Variants in ARHGAP22 observed in about 807,000 individuals in gnomAD.
ARHGAP22 encodes the protein Rho GTPase activating protein 22.
A neutral mutation model predicts 59.1 loss-of-function variants in ARHGAP22; 48 were observed. That is an observed-to-expected ratio of 0.81 (90% CI 0.64 to 1.03). The LOEUF (loss-of-function observed/expected upper bound fraction) is 1.03, where lower values mean the gene tolerates loss of function less well. Ranked by LOEUF, ARHGAP22 falls within the 50% of genes least tolerant of loss-of-function variation. The pLI, the probability that ARHGAP22 is intolerant of heterozygous loss-of-function variation, is 0.00. For missense variants in ARHGAP22, 1,015 were observed against 958.7 expected (o/e 1.06, Z -0.78); for synonymous variants, 445 against 416.4 (o/e 1.07, Z -0.84).
chr10:48,517,713 CA>C (rs2053427151), intron 3 of ARHGAP22, among the ~76,000 whole-genome samples: 1 of 152,120 alleles, frequency 6.6e-6, no homozygotes, highest in Admixed American at 6.5e-5. Flanking sequence ...TGAAAGGCCA[CA>C]GGACTCCTCT....
At chr10:48,595,900 C>T (rs1252018859) in intron 1 of ARHGAP22, among the ~76,000 whole-genome samples, 2 of 152,196 alleles carry the variant, frequency 1.3e-5, no homozygotes, top group African/African-American at 4.8e-5. Flanking sequence ...ATGAGCCAGG[C>T]CCTCCTAATG....
At chr10:48,507,606 C>A (rs1480174745) in intron 3 of ARHGAP22, among the ~76,000 whole-genome samples, 1 of 152,124 alleles carries the variant, frequency 6.6e-6, no homozygotes, top group Non-Finnish European at 1.5e-5. Flanking sequence ...CTCCCTCCTG[C>A]CCCACACCTC....
At chr10:48,457,402 C>T (rs889025423) in intron 5 of ARHGAP22, among the ~76,000 whole-genome samples, 4 of 152,158 alleles carry the variant, frequency 2.6e-5, no homozygotes, top group Non-Finnish European at 5.9e-5. Flanking sequence ...CCACTAGGCC[C>T]GGGACTGGTG....
intron 3 of ARHGAP22, among the ~76,000 whole-genome samples, chr10:48,526,300 T>C (rs1564820464): frequency 1.3e-5 from 2 of 152,122 alleles, no homozygotes; most frequent in African/African-American, 4.8e-5. Flanking sequence ...AAAGGAGAGA[T>C]TAACAAGAGC....
intron 3 of ARHGAP22, among the ~76,000 whole-genome samples, chr10:48,553,720 A>T (rs1486034105): frequency 6.6e-6 from 1 of 152,124 alleles, no homozygotes; most frequent in Non-Finnish European, 1.5e-5. Context: ...GTCTTCTCCT[A>T]CCGCCCCCAA....
chr10:48,472,672 G>C (rs1417056650), intron 4 of ARHGAP22, among the ~76,000 whole-genome samples: 1 of 152,152 alleles, frequency 6.6e-6, no homozygotes, highest in Non-Finnish European at 1.5e-5. Context: ...GCTGCTTCTA[G>C]ACCACATCAG....
At chr10:48,502,448 T>C (rs140498454) in intron 3 of ARHGAP22, among the ~76,000 whole-genome samples, 14 of 152,316 alleles carry the variant, frequency 9.2e-5, no homozygotes, top group Non-Finnish European at 7.4e-5. Context: ...TACCCTGTTG[T>C]CTTCAGGACA....
chr10:48,606,130 G>A (rs2060662289), upstream of ARHGAP22, among the ~76,000 whole-genome samples: 1 of 152,130 alleles, frequency 6.6e-6, no homozygotes, highest in Non-Finnish European at 1.5e-5. Flanking sequence ...GGTAAAGAGG[G>A]ATTTGAACAA....
chr10:48,467,428 G>A lies in ARHGAP22; in HGVS notation c.452-7537C>T, dbSNP rs868782293. On this transcript the variant is annotated intron_variant, in intron 4 of 9. Coordinates refer to ENST00000249601, the MANE Select transcript of ARHGAP22 (RefSeq NM_021226.4). ...AATGCAACGCCAGTAGCAGGGATGGGAGTCCCAAGGGTAGGAGGGCAGAAT... is the reference window on the plus strand; with the variant it reads ...AATGCAACGCCAGTAGCAGGGATGGAAGTCCCAAGGGTAGGAGGGCAGAAT... 6.6e-5 allele frequency among the ~76,000 whole-genome samples: 10 copies of A among 152,206 alleles called. No homozygotes were observed. In the South Asian group the frequency reaches 2.1e-3, roughly 32 times the overall value.
At chr10:48,604,729 G>C (rs768229742) in intron 1 of ARHGAP22, 34 bp downstream of exon 1, 17 of 1,614,084 alleles carry the variant, frequency 1.1e-5, no homozygotes, top group Non-Finnish European at 1.2e-5. Context: ...AGGCACATGC[G>C]GTGCCCAGAG....
At chr10:48,593,864 G>T (rs774373718) in intron 1 of ARHGAP22, among the ~76,000 whole-genome samples, 29 of 152,202 alleles carry the variant, frequency 1.9e-4, no homozygotes, top group Non-Finnish European at 4.1e-4. Flanking sequence ...GCGGGTGCTC[G>T]TGTTTGTACA....
At chr10:48,535,077 G>A (rs1357237963) in intron 3 of ARHGAP22, among the ~76,000 whole-genome samples, 2 of 152,300 alleles carry the variant, frequency 1.3e-5, no homozygotes, top group East Asian at 1.9e-4. Context: ...TGCTGCTGTG[G>A]CTGCTGCTGA....
chr10:48,562,647 A>C (rs557276216), intron 2 of ARHGAP22, among the ~76,000 whole-genome samples: 1 of 152,236 alleles, frequency 6.6e-6, no homozygotes, highest in East Asian at 1.9e-4. Context: ...GAGTGGGAGG[A>C]GGGATTACAA....
intron 3 of ARHGAP22, among the ~76,000 whole-genome samples, chr10:48,541,037 T>G: frequency 6.6e-6 from 1 of 152,160 alleles, no homozygotes; most frequent in East Asian, 2.0e-4. Context: ...ACACAGATTC[T>G]GTTTGAGGTG....
intron 9 of ARHGAP22, among the ~76,000 whole-genome samples, chr10:48,449,898 T>C (rs1334644947): frequency 6.6e-6 from 1 of 152,202 alleles, no homozygotes; most frequent in Non-Finnish European, 1.5e-5. Context: ...TATGAGCCCT[T>C]GTACTGGGAC....
intron 9 of ARHGAP22, among the ~76,000 whole-genome samples, chr10:48,448,058 T>C (rs1266710244): frequency 6.6e-6 from 1 of 152,108 alleles, no homozygotes; most frequent in Non-Finnish European, 1.5e-5. Context: ...GGCACCCAGG[T>C]GCACCTGTCA....
intron 1 of ARHGAP22, among the ~76,000 whole-genome samples, chr10:48,639,530 G>A (rs1413781439): frequency 6.6e-6 from 1 of 152,164 alleles, no homozygotes; most frequent in African/African-American, 2.4e-5. Flanking sequence ...CTCATGGTTT[G>A]TATATGACAT....
intron 1 of ARHGAP22, among the ~76,000 whole-genome samples, chr10:48,585,149 A>C (rs2059353469): frequency 6.6e-6 from 1 of 152,180 alleles, no homozygotes; most frequent in Non-Finnish European, 1.5e-5. Flanking sequence ...TGGACTTTGC[A>C]ATGTGTCTAG....
In ARHGAP22 at chr10:48,489,730, C is replaced by CTTT. The variant is rs377099863; in HGVS notation, c.323-9969_323-9967dup. On this transcript the variant is annotated intron_variant, in intron 3 of 9. Coordinates refer to ENST00000249601, the MANE Select transcript of ARHGAP22 (RefSeq NM_021226.4). ...ACATGACAGACTTCTGAGGCTGCCT[C>CTTT]TTTTTTTTTTTTTTTTTTTTTGAGA... Among the ~76,000 whole-genome samples, 172 of 119,580 alleles carry CTTT rather than the reference C, an allele frequency of 1.4e-3. 4 individuals carry two copies. The highest frequency in any genetic ancestry group is 1.7e-3 in the Non-Finnish European group (97 of 58,002). The allele number at this position is 119,580 out of a possible 152,430, so 78.4% of individuals were successfully genotyped here.
Sources: gnomAD v4.1 joint callset for allele counts (sites outside exome capture counted in the v4.1 genomes callset) on GRCh38, gnomAD v4.1.1 for gene constraint, MANE v1.5 for transcripts, NCBI Gene and HGNC (gene_info 2026-07-23, HGNC 2026-07-21) for gene names.